The following CEP350 variants were observed in gnomAD, a reference collection of about 807,000 sequenced individuals.
CEP350 encodes the protein centrosomal protein 350.
Under a neutral mutation model 331.8 loss-of-function variants are expected in CEP350, and 126 were observed. The ratio of observed to expected loss-of-function variants is 0.38; its 90% CI spans 0.33 to 0.44. The LOEUF (loss-of-function observed/expected upper bound fraction) is 0.44, where lower values mean the gene tolerates loss of function less well. Ranked by LOEUF, CEP350 falls within the 20% of genes least tolerant of loss-of-function variation. The probability of loss-of-function intolerance (pLI) is 1.00; values close to 1 mark genes in which losing one functional copy is unlikely to be tolerated. For missense variants in CEP350, 3,406 were observed against 3,634.6 expected (o/e 0.94, Z 1.62); for synonymous variants, 1,200 against 1,259.5 (o/e 0.95, Z 1.00).
intron 1 of CEP350, among the ~76,000 whole-genome samples, chr1:179,979,920 G>A (rs976404391): frequency 1.3e-5 from 2 of 152,086 alleles, no homozygotes; most frequent in Non-Finnish European, 2.9e-5. Flanking sequence ...GTACTATGCT[G>A]TTTTGGTTAC....
chr1:179,978,427 T>A (rs1316022175), intron 1 of CEP350, among the ~76,000 whole-genome samples: 6 of 152,176 alleles, frequency 3.9e-5, no homozygotes, highest in African/African-American at 1.4e-4. Flanking sequence ...CTTGAAAATA[T>A]GCAATATGTT....
At chr1:179,994,949 GC>G (rs1358727630) in intron 5 of CEP350, among the ~76,000 whole-genome samples, 1 of 152,106 alleles carries the variant, frequency 6.6e-6, no homozygotes, top group Non-Finnish European at 1.5e-5. Flanking sequence ...AGGGTTTTAT[GC>G]TTTTACCTGA....
intron 37 of CEP350, among the ~76,000 whole-genome samples, chr1:180,106,146 C>G (rs1289863389): frequency 6.6e-6 from 1 of 152,150 alleles, no homozygotes; most frequent in Non-Finnish European, 1.5e-5. Flanking sequence ...CCTTTATGTA[C>G]AGTAGCCTTG....
chr1:180,107,413 A>T (rs1444776207), intron 37 of CEP350, among the ~76,000 whole-genome samples: 1 of 152,226 alleles, frequency 6.6e-6, no homozygotes, highest in East Asian at 1.9e-4. Context: ...TGGCTCACCT[A>T]ATCCTAGCAC....
At chr1:179,969,002 C>T in intron 1 of CEP350, 1 of 756,318 alleles carries the variant, frequency 1.3e-6, no homozygotes. Context: ...TTCCGGGAGC[C>T]ATGGCTTGTG....
rs184680487 is a variant in CEP350 at position 180,033,553 on chromosome 1, T to G, written c.3726-309T>G. 1.8e-4 allele frequency among the ~76,000 whole-genome samples: 28 copies of G among 152,340 alleles called. No individual in the cohort carries two copies. The East Asian group carries it at 5.0e-3, about 27-fold the overall frequency. On this transcript the variant is annotated intron_variant, in intron 15 of 37. Coordinates refer to ENST00000367607, the MANE Select transcript of CEP350 (RefSeq NM_014810.5). ...TAGAAGACTTTGCTTCATGCTATAA[T>G]GAGTGAATCATAGTATATGTACACT...
chr1:179,968,471 G>T (rs939609512), intron 1 of CEP350, among the ~76,000 whole-genome samples: 2 of 152,198 alleles, frequency 1.3e-5, no homozygotes, highest in Non-Finnish European at 2.9e-5. Context: ...GAGGAAGCAA[G>T]TATACTGCAT....
chr1:179,971,281 G>A (rs1327841841), intron 1 of CEP350, among the ~76,000 whole-genome samples: 1 of 151,886 alleles, frequency 6.6e-6, no homozygotes, highest in Non-Finnish European at 1.5e-5. Context: ...TGCCTGCCTC[G>A]ACCTCCCAAA....
At chr1:180,095,376 A>G (rs1660425026) in intron 34 of CEP350, 147 bp from the exon 35 acceptor site, 7 of 905,740 alleles carry the variant, frequency 7.7e-6, no homozygotes, top group Non-Finnish European at 1.1e-5. Context: ...TAGATTGTTT[A>G]TTAGTAGCCA....
intron 26 of CEP350, among the ~76,000 whole-genome samples, chr1:180,062,805 C>T (rs1367007818): frequency 3.3e-5 from 5 of 152,192 alleles, no homozygotes; most frequent in Admixed American, 3.3e-4. Context: ...AGTTCTACCT[C>T]TCAAATACCA....
intron 37 of CEP350, among the ~76,000 whole-genome samples, chr1:180,100,034 C>A (rs1386153650): frequency 6.6e-6 from 1 of 152,208 alleles, no homozygotes; most frequent in East Asian, 1.9e-4. Flanking sequence ...GATCCGCCTG[C>A]CTTGGCCTCC....
At chr1:180,049,744 G>A (rs949133524) in intron 22 of CEP350, among the ~76,000 whole-genome samples, 10 of 151,968 alleles carry the variant, frequency 6.6e-5, no homozygotes, top group African/African-American at 1.9e-4. Context: ...GGGTTTCACC[G>A]TGTTGGTCAG....
chr1:179,996,939 C>G lies in CEP350; in HGVS notation c.782C>G (p.Ser261Cys). The change falls in exon 6 of 38, where the codon TCT becomes TGT. Residue 261 changes from serine (S) to cysteine (C), a missense_variant. Transcript: ENST00000367607. ...ALRLTDSSPS[S>C]TSTSNSQRLD... Reference sequence around the variant, plus strand: ...CGACTAACTGACTCTTCTCCATCCTCTACTAGTACTTCTAATTCCCAAAGA... The same window carrying G: ...CGACTAACTGACTCTTCTCCATCCTGTACTAGTACTTCTAATTCCCAAAGA... 1.9e-6 allele frequency: 3 copies of G among 1,614,050 alleles called. No homozygotes were observed. Among genetic ancestry groups the G allele is most frequent in the Non-Finnish European group, 1.7e-6 (2 of 1,179,898 alleles).
intron 3 of CEP350, among the ~76,000 whole-genome samples, chr1:179,987,700 G>A (rs923675287): frequency 1.3e-5 from 2 of 151,794 alleles, no homozygotes; most frequent in Non-Finnish European, 2.9e-5. Context: ...GTTGAGGTGG[G>A]TAGATAGCTT....
intron 26 of CEP350, among the ~76,000 whole-genome samples, chr1:180,064,779 C>A (rs1291438726): frequency 6.6e-6 from 1 of 151,574 alleles, no homozygotes; most frequent in Admixed American, 6.6e-5. Flanking sequence ...TTTGAGTGGT[C>A]CAACTTTGAA....
chr1:180,053,092 GA>G lies in CEP350; in HGVS notation c.4919del (p.Lys1640ArgfsTer26). ...PSESHRRFNM[E>X]KRRGHHDDSD... ...AGAGAGTCACCGCAGATTTAACATG[GA>G]AAAGAGAAGAGGTCATCATGATGAC... On this transcript the variant is annotated frameshift_variant, in exon 23 of 38. Coordinates refer to ENST00000367607, the MANE Select transcript of CEP350 (RefSeq NM_014810.5). LOFTEE classifies it high-confidence loss of function. The G allele has an allele frequency of 6.2e-7, 1 of 1,609,252 alleles. No homozygotes were observed. The highest frequency in any genetic ancestry group is 8.5e-7 in the Non-Finnish European group (1 of 1,177,040).
chr1:179,974,528 T>A (rs1299869781), intron 1 of CEP350, among the ~76,000 whole-genome samples: 10 of 152,246 alleles, frequency 6.6e-5, no homozygotes, highest in African/African-American at 1.9e-4. Flanking sequence ...GATACATATA[T>A]GCTATTTGTA....
intron 1 of CEP350, among the ~76,000 whole-genome samples, chr1:179,967,479 T>G (rs1460539525): frequency 1.3e-5 from 2 of 152,218 alleles, no homozygotes; most frequent in African/African-American, 4.8e-5. Context: ...TAGCGTGATC[T>G]TGGCTCACTG....
chr1:180,016,952 C>T (rs1177352347), intron 11 of CEP350, among the ~76,000 whole-genome samples: 2 of 152,096 alleles, frequency 1.3e-5, no homozygotes, highest in Admixed American at 6.6e-5. Context: ...CATGAGCCAC[C>T]GAGCCTGGCC....
Sources: allele counts gnomAD v4.1 joint callset (sites outside exome capture counted in the v4.1 genomes callset), GRCh38; gene constraint gnomAD v4.1.1; transcripts MANE v1.5; gene names NCBI Gene and HGNC (gene_info 2026-07-23, HGNC 2026-07-21).